PTPRQ: variants seen among roughly 807,000 people sequenced by gnomAD.
PTPRQ encodes the protein protein tyrosine phosphatase receptor type Q, also known as phosphatidylinositol phosphatase PTPRQ.
In PTPRQ, 199 loss-of-function variants were observed where a neutral mutation model predicts 246.0. That is an observed-to-expected ratio of 0.81 (90% CI 0.72 to 0.91). PTPRQ has a LOEUF of 0.91. Ranked by LOEUF, PTPRQ falls within the 40% of genes least tolerant of loss-of-function variation. The pLI is 0.00. For missense variants in PTPRQ, 2,624 were observed against 2,528.4 expected, an observed-to-expected ratio of 1.04 and a Z score of -0.81; for synonymous variants, 869 against 853.2, an observed-to-expected ratio of 1.02 and a Z score of -0.32.
intron 33 of PTPRQ, among the ~76,000 whole-genome samples, chr12:80,622,821 G>T (rs1899046003): frequency 6.6e-6 from 1 of 151,910 alleles, no homozygotes; most frequent in African/African-American, 2.4e-5. Flanking sequence ...TTGAGGGGTT[G>T]TTGAAGTTTT....
At chr12:80,485,712 A>G (rs913933820) in intron 9 of PTPRQ, among the ~76,000 whole-genome samples, 29 of 152,070 alleles carry the variant, frequency 1.9e-4, no homozygotes, top group Non-Finnish European at 3.4e-4. Flanking sequence ...CTGGTTGACA[A>G]CTCAGGCAAA....
chr12:80,616,816 AAAAC>A (rs911319558), intron 30 of PTPRQ, among the ~76,000 whole-genome samples: 22 of 151,190 alleles, frequency 1.5e-4, no homozygotes, highest in Non-Finnish European at 2.8e-4. Context: ...CTTTCAAAAT[AAAAC>A]AAACAAACAA....
At chr12:80,573,473 A>T (rs2120964456) in intron 25 of PTPRQ, among the ~76,000 whole-genome samples, 1 of 152,114 alleles carries the variant, frequency 6.6e-6, no homozygotes, top group Admixed American at 6.5e-5. Flanking sequence ...TGGGCCACAG[A>T]GTGAGACTCC....
chr12:80,594,261 A>G (rs528934850), intron 26 of PTPRQ, among the ~76,000 whole-genome samples: 5 of 152,290 alleles, frequency 3.3e-5, no homozygotes, highest in South Asian at 2.1e-4. Context: ...CTTTTTATAA[A>G]GAAGCAATTA....
chr12:80,662,971 A>G (rs1324261291), intron 39 of PTPRQ, among the ~76,000 whole-genome samples: 1 of 152,012 alleles, frequency 6.6e-6, no homozygotes, highest in Non-Finnish European at 1.5e-5. Flanking sequence ...GATACAATGG[A>G]AATATCTCCA....
rs751326024 is a variant in PTPRQ, at chr12:80,454,502, G to A, written c.391-3073G>A. The A allele has an allele frequency of 2.4e-5, 17 of 702,564 alleles. No homozygotes were observed. The South Asian group carries it at 2.5e-4, about 10-fold the overall frequency. 43.5% of individuals were successfully genotyped at this position (702,564 alleles called of 1,614,324 possible). A position where few individuals can be genotyped will look rare whatever the true frequency, so the allele number is the denominator to read the frequency against. On this transcript the variant is annotated intron_variant, in intron 3 of 44. Transcript: ENST00000644991. ...CGCTCTGGCTAGGCCTTCCAGTACTGTGTTCAATAGGATTGGTGAGAGTAG... is the reference window on the plus strand; with the variant it reads ...CGCTCTGGCTAGGCCTTCCAGTACTATGTTCAATAGGATTGGTGAGAGTAG...
chr12:80,649,483 G>T lies in PTPRQ; in HGVS notation c.5943-105G>T, dbSNP rs1194576461. ...AAGCTGTGTTGTTTGTGATTTTGGG[G>T]ATGTCCATTGTTCTTTAACTTGTTA... is the stretch of plus-strand genomic sequence containing the variant. On this transcript the variant is annotated intron_variant, in intron 36 of 44. Transcript: ENST00000644991. 1.5e-5 allele frequency: 20 copies of T among 1,365,470 alleles called. No individual in the cohort carries two copies. The South Asian group carries it at 2.9e-4, about 20-fold the overall frequency. The allele number at this position is 1,365,470 out of a possible 1,614,324, so 84.6% of individuals were successfully genotyped here.
rs987715762 is a variant in PTPRQ at position 80,571,720 on chromosome 12, GT to G, written c.4286-16400del. On this transcript the variant is annotated intron_variant, in intron 25 of 44. Coordinates refer to ENST00000644991, the MANE Select transcript of PTPRQ (RefSeq NM_001145026.2). ...TGTGTAGTATGAGAAGTGATTCAAA[GT>G]TTTTTTTTGTACATTTATCAAAACA... is the stretch of plus-strand genomic sequence containing the variant. 8.1e-4 allele frequency among the ~76,000 whole-genome samples: 122 copies of G among 151,084 alleles called. 1 individual carries two copies. Among genetic ancestry groups the G allele is most frequent in the African/African-American group, 2.5e-3 (104 of 41,212 alleles).
At chr12:80,615,992 A>G (rs1898740921) in intron 29 of PTPRQ, among the ~76,000 whole-genome samples, 1 of 150,756 alleles carries the variant, frequency 6.6e-6, no homozygotes, top group Admixed American at 6.7e-5. Flanking sequence ...CATATATTAT[A>G]TTCAAGTGCA....
intron 8 of PTPRQ, among the ~76,000 whole-genome samples, chr12:80,478,962 A>T (rs1158835654): frequency 6.6e-6 from 1 of 152,104 alleles, no homozygotes; most frequent in Non-Finnish European, 1.5e-5. Flanking sequence ...GCAGGATATT[A>T]TCCAGGAGAA....
chr12:80,452,289 G>A (rs200380255), intron 3 of PTPRQ, among the ~76,000 whole-genome samples: 7,655 of 151,020 alleles, frequency 0.051, 252 homozygotes, highest in Middle Eastern at 0.09. Context: ...CCTGAATACA[G>A]CACACTGATG....
chr12:80,516,598 T>C (rs1895307057), intron 17 of PTPRQ, among the ~76,000 whole-genome samples: 2 of 152,312 alleles, frequency 1.3e-5, no homozygotes, highest in South Asian at 4.1e-4. Flanking sequence ...TTATTAAATA[T>C]CACTGGTCAA....
chr12:80,573,861 T>C (rs1415240551), intron 25 of PTPRQ, among the ~76,000 whole-genome samples: 1 of 152,214 alleles, frequency 6.6e-6, no homozygotes, highest in Non-Finnish European at 1.5e-5. Flanking sequence ...CTGATCATTA[T>C]GATTTTCTTG....
chr12:80,610,737 A>T, intron 28 of PTPRQ, 112 bp downstream of exon 28: 1 of 1,316,660 alleles, frequency 7.6e-7, no homozygotes, highest in Non-Finnish European at 9.9e-7. Context: ...TTTTTAAAGC[A>T]TATAAACAAA....
chr12:80,673,074 T>C, intron 42 of PTPRQ, 95 bp from the exon 43 acceptor site: 1 of 1,457,478 alleles, frequency 6.9e-7, no homozygotes, highest in Non-Finnish European at 9.1e-7. Flanking sequence ...AAGAAACTAT[T>C]AGAATTTATT....
At chr12:80,668,587 A>G (rs957349634) in intron 39 of PTPRQ, among the ~76,000 whole-genome samples, 4 of 151,902 alleles carry the variant, frequency 2.6e-5, no homozygotes, top group African/African-American at 4.8e-5. Context: ...AGATCTTGGC[A>G]AGTTACTTCA....
chr12:80,605,336 A>G (rs1898276696), intron 27 of PTPRQ, among the ~76,000 whole-genome samples, 156 bp downstream of exon 27: 1 of 151,412 alleles, frequency 6.6e-6, no homozygotes, highest in African/African-American at 2.4e-5. Flanking sequence ...GTAAAGATTA[A>G]TAATAGTAAA....
In PTPRQ at chr12:80,679,201, A is replaced by C. The variant is rs1901241289; in HGVS notation, c.*178A>C. On this transcript the variant is annotated 3_prime_UTR_variant, in exon 45 of 45. Coordinates refer to ENST00000644991, the MANE Select transcript of PTPRQ (RefSeq NM_001145026.2). The stretch of plus-strand genomic sequence containing the variant: ...TAGTTCTTGAAAATAGCTAATACAG[A>C]ATAATTATTTGTTTTGTACAGAATA... 1 of 601,316 alleles carries C rather than the reference A, an allele frequency of 1.7e-6. No homozygotes were observed. Among genetic ancestry groups the C allele is most frequent in the African/African-American group, 1.9e-5 (1 of 53,060 alleles). The allele number at this position is 601,316 out of a possible 1,614,324, so 37.2% of individuals were successfully genotyped here. A position where few individuals can be genotyped will look rare whatever the true frequency, so the allele number is the denominator to read the frequency against.
At chr12:80,599,326 T>C (rs529534309) in intron 26 of PTPRQ, among the ~76,000 whole-genome samples, 22 of 151,856 alleles carry the variant, frequency 1.4e-4, no homozygotes, top group African/African-American at 4.1e-4. Context: ...ACTGAGTAAA[T>C]TGCTGTGATT....
Sources: allele counts gnomAD v4.1 joint callset (sites outside exome capture counted in the v4.1 genomes callset), GRCh38; gene constraint gnomAD v4.1.1; transcripts MANE v1.5; gene names NCBI Gene and HGNC (gene_info 2026-07-23, HGNC 2026-07-21).